Variants in PDSS2 observed in about 807,000 individuals in gnomAD.
The protein encoded by PDSS2 is all trans-polyprenyl-diphosphate synthase PDSS2.
In PDSS2, 31 loss-of-function variants were observed where a neutral mutation model predicts 44.5. The ratio of observed to expected loss-of-function variants is 0.70; its 90% CI spans 0.52 to 0.94. PDSS2 has a LOEUF of 0.94. Among genes scored for constraint, PDSS2 ranks in the 40% least tolerant of loss-of-function variants. PDSS2 has a pLI of 0.00. For synonymous variants in PDSS2, 157 were observed against 180.3 expected (o/e 0.87, Z 1.03); for missense variants, 452 against 482.2 (o/e 0.94, Z 0.59).
chr6:107,447,979 TG>T (rs1310474931), intron 1 of PDSS2, among the ~76,000 whole-genome samples: 6 of 152,258 alleles, frequency 3.9e-5, no homozygotes, highest in African/African-American at 1.4e-4. Context: ...TGCCAAGGCT[TG>T]GGGCTTGCAC....
intron 4 of PDSS2, among the ~76,000 whole-genome samples, chr6:107,228,815 T>A (rs931164320): frequency 4.6e-5 from 7 of 152,236 alleles, no homozygotes. Flanking sequence ...ATCAAACGAT[T>A]TATGACTGTG....
chr6:107,372,230 T>C (rs956487143), intron 1 of PDSS2, among the ~76,000 whole-genome samples: 1 of 151,144 alleles, frequency 6.6e-6, no homozygotes, highest in African/African-American at 2.4e-5. Context: ...GTTTTCTTTA[T>C]TTTTTTTTCA....
chr6:107,447,418 A>C (rs1781723166), intron 1 of PDSS2, among the ~76,000 whole-genome samples: 1 of 152,194 alleles, frequency 6.6e-6, no homozygotes, highest in African/African-American at 2.4e-5. Context: ...GGGTAAATAC[A>C]TCTGTTCCAA....
At chr6:107,156,958 G>C (rs1205242748) in intron 7 of PDSS2, among the ~76,000 whole-genome samples, 2 of 152,092 alleles carry the variant, frequency 1.3e-5, no homozygotes, top group African/African-American at 2.4e-5. Context: ...TCTCACCTCA[G>C]TTAGTTTTTG....
intron 1 of PDSS2, among the ~76,000 whole-genome samples, chr6:107,405,798 G>A (rs1780297395): frequency 7.0e-6 from 1 of 142,746 alleles, no homozygotes; most frequent in South Asian, 2.2e-4. Flanking sequence ...AGTGAGCCGA[G>A]ATCCCGCCAC....
chr6:107,363,627 G>C (rs962480981), intron 1 of PDSS2, among the ~76,000 whole-genome samples: 2 of 152,166 alleles, frequency 1.3e-5, no homozygotes, highest in Non-Finnish European at 2.9e-5. Flanking sequence ...TGCAAAGAGC[G>C]AAAGAACAAA....
At chr6:107,425,032 G>T (rs78806974) in intron 1 of PDSS2, among the ~76,000 whole-genome samples, 4,090 of 152,244 alleles carry the variant, frequency 0.027, 204 homozygotes, top group African/African-American at 0.094. Context: ...TTAAAAACGG[G>T]AGTTTCCTTG....
chr6:107,383,731 A>G (rs1779523623), intron 1 of PDSS2, among the ~76,000 whole-genome samples: 2 of 152,232 alleles, frequency 1.3e-5, no homozygotes. Flanking sequence ...CAAAGCCACA[A>G]TGACACCAAT....
At chr6:107,453,341 T>C (rs1194845210) in intron 1 of PDSS2, among the ~76,000 whole-genome samples, 1 of 152,240 alleles carries the variant, frequency 6.6e-6, no homozygotes, top group African/African-American at 2.4e-5. Flanking sequence ...AAGTGGACAT[T>C]GATTTCACAA....
chr6:107,197,473 C>T (rs1582770422), intron 6 of PDSS2, among the ~76,000 whole-genome samples: 1 of 134,892 alleles, frequency 7.4e-6, no homozygotes, highest in East Asian at 2.2e-4. Context: ...AAGTGAGACC[C>T]CCATCTCAAA....
intron 1 of PDSS2, among the ~76,000 whole-genome samples, chr6:107,416,981 C>T (rs1242561802): frequency 6.6e-6 from 1 of 152,066 alleles, no homozygotes; most frequent in Non-Finnish European, 1.5e-5. Context: ...GTATTCCTAG[C>T]ACTTTGGGAG....
At chr6:107,310,747 G>A (rs1777018255) in intron 2 of PDSS2, among the ~76,000 whole-genome samples, 1 of 152,084 alleles carries the variant, frequency 6.6e-6, no homozygotes, top group Non-Finnish European at 1.5e-5. Flanking sequence ...AGGTCCATGT[G>A]CTCATTAATA....
Position 107,325,545 on chromosome 6 carries a change from C to CT in PDSS2, c.431+8652dup, listed in dbSNP as rs796757464. Among the ~76,000 whole-genome samples, 10 of 152,088 alleles carry CT rather than the reference C, an allele frequency of 6.6e-5. 1 individual carries two copies. The South Asian group carries it at 1.9e-3, about 28-fold the overall frequency. ...AAGATAGCATTTTACTTCATTCCTG[C>CT]TTTTTTTAACAAAAATAATTTTTTT... On this transcript the variant is annotated intron_variant, in intron 2 of 7. Transcript: ENST00000369037.
chr6:107,265,707 T>G (rs1397805524), intron 3 of PDSS2, among the ~76,000 whole-genome samples: 1 of 152,138 alleles, frequency 6.6e-6, no homozygotes, highest in Non-Finnish European at 1.5e-5. Flanking sequence ...CTTGGGAGGC[T>G]GAGGCAGGTG....
chr6:107,408,483 A>G (rs1780391634), intron 1 of PDSS2, among the ~76,000 whole-genome samples: 1 of 152,240 alleles, frequency 6.6e-6, no homozygotes, highest in Non-Finnish European at 1.5e-5. Flanking sequence ...TAACTGAATC[A>G]GCTCAGCAGA....
At chr6:107,382,774 C>T (rs1779492812) in intron 1 of PDSS2, among the ~76,000 whole-genome samples, 1 of 152,000 alleles carries the variant, frequency 6.6e-6, no homozygotes, top group Non-Finnish European at 1.5e-5. Context: ...GATGTCGAGG[C>T]TACAGTGAGC....
intron 4 of PDSS2, among the ~76,000 whole-genome samples, chr6:107,240,979 A>C (rs1271884997): frequency 1.3e-5 from 2 of 152,068 alleles, no homozygotes; most frequent in Non-Finnish European, 2.9e-5. Flanking sequence ...TACTTAGTAC[A>C]GTAAGTATGA....
chr6:107,173,122 CAAA>C (rs34305757), intron 7 of PDSS2, among the ~76,000 whole-genome samples: 10 of 122,706 alleles, frequency 8.1e-5, no homozygotes, highest in South Asian at 2.8e-4. Context: ...GACTCTGTCT[CAAA>C]AAAAAAAAAA....
intron 1 of PDSS2, among the ~76,000 whole-genome samples, chr6:107,443,901 C>G (rs560590325): frequency 6.6e-6 from 1 of 152,114 alleles, no homozygotes; most frequent in Non-Finnish European, 1.5e-5. Flanking sequence ...TGTCTCCCCA[C>G]GAAAATGAAT....
Sources: gnomAD v4.1 joint callset for allele counts (sites outside exome capture counted in the v4.1 genomes callset) on GRCh38, gnomAD v4.1.1 for gene constraint, MANE v1.5 for transcripts, NCBI Gene and HGNC (gene_info 2026-07-23, HGNC 2026-07-21) for gene names.